The following CSMD2 variants were observed in gnomAD, a reference collection of about 807,000 sequenced individuals.
CSMD2 encodes CUB and sushi domain-containing protein 2.
CSMD2 carries 130 observed loss-of-function variants against 398.5 expected under a neutral mutation model. The ratio of observed to expected loss-of-function variants is 0.33; its 90% CI spans 0.28 to 0.38. CSMD2 has a LOEUF of 0.38. Among genes scored for constraint, CSMD2 ranks in the 10% least tolerant of loss-of-function variants. The probability of loss-of-function intolerance (pLI) is 1.00; values close to 1 mark genes in which losing one functional copy is unlikely to be tolerated. For synonymous variants in CSMD2, 1,828 were observed against 1,908.5 expected, an observed-to-expected ratio of 0.96 and a Z score of 1.10; for missense variants, 3,829 against 4,764.9, an observed-to-expected ratio of 0.80 and a Z score of 5.78.
rs77622576 is a variant in CSMD2, at chr1:33,981,252, A to T, written c.518-45298T>A. Reference sequence around the variant, plus strand: ...AGCTATTTGCACTCACTTCCCACTTATTTGCAGGCCTTATCCTCAGGAGTG... The same window carrying T: ...AGCTATTTGCACTCACTTCCCACTTTTTTGCAGGCCTTATCCTCAGGAGTG... On this transcript the variant is annotated intron_variant, in intron 3 of 70. Transcript: ENST00000373381. Among the ~76,000 whole-genome samples, 105 of 152,170 alleles carry T rather than the reference A, an allele frequency of 6.9e-4. 2 individuals carry two copies. The East Asian group carries it at 0.02, about 29-fold the overall frequency.
At chr1:33,799,958 G>A (rs1178921113) in intron 10 of CSMD2, among the ~76,000 whole-genome samples, 3 of 152,216 alleles carry the variant, frequency 2.0e-5, no homozygotes, top group African/African-American at 7.2e-5. Context: ...AGAAGAGTTT[G>A]CCAACTCTTG....
chr1:33,832,684 A>G (rs1203141701), intron 6 of CSMD2, among the ~76,000 whole-genome samples: 1 of 150,928 alleles, frequency 6.6e-6, no homozygotes, highest in Non-Finnish European at 1.5e-5. Context: ...GACACAAAAA[A>G]CCCTTCAAAA....
intron 25 of CSMD2, among the ~76,000 whole-genome samples, chr1:33,679,919 C>CTTTTTT (rs11415719): frequency 6.9e-6 from 1 of 144,088 alleles, no homozygotes; most frequent in Non-Finnish European, 1.5e-5. Flanking sequence ...TTGAATTTTA[C>CTTTTTT]TTTTTTTTTT....
At chr1:34,162,521 C>T (rs1386464996) in intron 1 of CSMD2, among the ~76,000 whole-genome samples, 1 of 152,186 alleles carries the variant, frequency 6.6e-6, no homozygotes, top group Admixed American at 6.5e-5. Flanking sequence ...TCTCTGCTGC[C>T]TGCAAGGCCA....
intron 55 of CSMD2, among the ~76,000 whole-genome samples, chr1:33,556,007 T>C (rs72889076): frequency 0.016 from 2,367 of 152,160 alleles, 66 homozygotes; most frequent in African/African-American, 0.054. Context: ...CAAGACTTCA[T>C]TGGAGGATCT....
intron 13 of CSMD2, among the ~76,000 whole-genome samples, chr1:33,761,188 T>A (rs1487166775): frequency 6.6e-6 from 1 of 152,056 alleles, no homozygotes; most frequent in Admixed American, 6.5e-5. Context: ...CAGTCTTGAG[T>A]CTCACTGTGA....
chr1:33,724,370 G>C, intron 18 of CSMD2, 57 bp from the exon 19 acceptor site: 1 of 1,505,914 alleles, frequency 6.6e-7, no homozygotes, highest in Non-Finnish European at 9.2e-7. Flanking sequence ...GAGCACCCCC[G>C]TCATCCTCCT....
rs114446284 is a variant in CSMD2, at chr1:33,906,543, T to C, written c.920+11551A>G. 4.7e-3 allele frequency among the ~76,000 whole-genome samples: 713 copies of C among 152,298 alleles called. 5 individuals carry two copies. The highest frequency in any genetic ancestry group is 0.016 in the African/African-American group (684 of 41,548). On this transcript the variant is annotated intron_variant, in intron 5 of 70. Transcript: ENST00000373381. The stretch of plus-strand genomic sequence containing the variant: ...TATATTGGGAGAACTTAGCAATTAA[T>C]TGAATGTGGCTGGTGAGAGAGAGGG...
At chr1:33,843,179 CT>C (rs556090218) in intron 6 of CSMD2, among the ~76,000 whole-genome samples, 2 of 152,194 alleles carry the variant, frequency 1.3e-5, no homozygotes, top group African/African-American at 4.8e-5. Context: ...GCGCATTCAT[CT>C]TTTTTGCTGT....
At chr1:33,888,414 T>C (rs1641743025) in intron 5 of CSMD2, among the ~76,000 whole-genome samples, 2 of 152,000 alleles carry the variant, frequency 1.3e-5, no homozygotes, top group Non-Finnish European at 2.9e-5. Context: ...GACACAGAAA[T>C]AGATTAACAG....
Position 33,743,450 on chromosome 1 carries a change from T to C in CSMD2, c.2003A>G (p.Gln668Arg). 1 of 1,614,172 alleles carries C rather than the reference T, an allele frequency of 6.2e-7. No homozygotes were observed. Among genetic ancestry groups the C allele is most frequent in the Non-Finnish European group, 8.5e-7 (1 of 1,180,036 alleles). ...LAFNDIDVEP[Q>R]FDFLVIKDGA... ...ATCCTTGATGACCAGGAAATCAAAC[T>C]GAGGCTCCACGTCAATGTCGTTGAA... is the stretch of plus-strand genomic sequence containing the variant. The change falls in exon 14 of 71, where the codon CAG (glutamine) becomes CGG (arginine). Residue 668 changes from glutamine to arginine, a missense_variant. This residue lies in a region of CSMD2 where 2,001 missense variants were observed against 2,567.1 expected (regional missense o/e 0.78). Transcript: ENST00000373381.
In CSMD2 at chr1:34,012,188, C is replaced by T. The variant is rs149578980; in HGVS notation, c.517+20406G>A. On this transcript the variant is annotated intron_variant, in intron 3 of 70. Transcript: ENST00000373381. ...CCATCCCCACGAGCCACCCAGGACT[C>T]CTTGCTCCTCCAGCAGATCAGGCCC... 1.3e-4 allele frequency among the ~76,000 whole-genome samples: 20 copies of T among 152,290 alleles called. No homozygotes were observed. The East Asian group carries it at 3.7e-3, about 28-fold the overall frequency.
intron 25 of CSMD2, among the ~76,000 whole-genome samples, chr1:33,665,377 C>T (rs559639281): frequency 4.6e-5 from 7 of 151,752 alleles, no homozygotes; most frequent in African/African-American, 7.3e-5. Flanking sequence ...GACCTCTCCC[C>T]GACCCAACGA....
intron 6 of CSMD2, among the ~76,000 whole-genome samples, chr1:33,829,082 T>C (rs764900390): frequency 1.3e-5 from 2 of 152,190 alleles, no homozygotes; most frequent in Admixed American, 6.5e-5. Flanking sequence ...CACATGGTCA[T>C]CGGATGCATG....
intron 25 of CSMD2, among the ~76,000 whole-genome samples, chr1:33,674,316 T>G (rs1371311757): frequency 1.3e-5 from 2 of 152,028 alleles, no homozygotes; most frequent in African/African-American, 4.8e-5. Flanking sequence ...TCCTAGTCTC[T>G]GATAAAACAG....
chr1:33,589,540 A>G (rs1639294232), intron 44 of CSMD2, among the ~76,000 whole-genome samples: 1 of 152,244 alleles, frequency 6.6e-6, no homozygotes, highest in African/African-American at 2.4e-5. Flanking sequence ...TTTCACGTTA[A>G]TGGCCTATTT....
intron 2 of CSMD2, among the ~76,000 whole-genome samples, chr1:34,065,911 A>G (rs1655056421): frequency 6.6e-6 from 1 of 152,162 alleles, no homozygotes; most frequent in African/African-American, 2.4e-5. Flanking sequence ...GGCTGTCATC[A>G]GAAGTTCAGA....
chr1:33,936,757 C>T (rs146166835), intron 3 of CSMD2, among the ~76,000 whole-genome samples: 2 of 152,322 alleles, frequency 1.3e-5, no homozygotes, highest in Non-Finnish European at 2.9e-5. Context: ...CTTCCCCCTG[C>T]CCTCTGCCTT....
intron 15 of CSMD2, among the ~76,000 whole-genome samples, chr1:33,728,021 T>C (rs1018856303): frequency 6.6e-6 from 1 of 152,206 alleles, no homozygotes; most frequent in Non-Finnish European, 1.5e-5. Flanking sequence ...AGGTTGGTGC[T>C]ATTATTACCT....
Sources: gnomAD v4.1 joint callset for allele counts (sites outside exome capture counted in the v4.1 genomes callset) on GRCh38, gnomAD v4.1.1 for gene constraint, gnomAD v4.1.1 regional missense constraint, MANE v1.5 for transcripts, NCBI Gene and HGNC (gene_info 2026-07-23, HGNC 2026-07-21) for gene names.